The following ACAN variants were observed in gnomAD, a reference collection of about 807,000 sequenced individuals.
ACAN encodes aggrecan.
In ACAN, 47 loss-of-function variants were observed where a neutral mutation model predicts 169.1. The observed-to-expected ratio is 0.28, with a 90% CI of 0.22 to 0.35. ACAN has a LOEUF of 0.35. Ranked by LOEUF, ACAN falls within the 10% of genes least tolerant of loss-of-function variation. ACAN has a pLI of 1.00. For missense variants in ACAN, 2,716 were observed against 2,759.9 expected (o/e 0.98, Z 0.36); for synonymous variants, 1,115 against 1,112.2 (o/e 1.00, Z -0.05).
chr15:88,845,297 G>C (rs1342297079), intron 6 of ACAN, among the ~76,000 whole-genome samples: 1 of 152,182 alleles, frequency 6.6e-6, no homozygotes, highest in Admixed American at 6.5e-5. Flanking sequence ...TTGCACTCTT[G>C]CAATCTTGAA....
intron 1 of ACAN, among the ~76,000 whole-genome samples, chr15:88,825,777 CA>C (rs34437257): frequency 0.23 from 34,335 of 152,110 alleles, 4,816 homozygotes; most frequent in Non-Finnish European, 0.31. Flanking sequence ...TCCTAAACCC[CA>C]GCCTGCTCCT....
At chr15:88,864,020 G>A (rs889206147) in intron 13 of ACAN, among the ~76,000 whole-genome samples, 1 of 152,028 alleles carries the variant, frequency 6.6e-6, no homozygotes, top group Admixed American at 6.6e-5. Context: ...AAAAATATAT[G>A]TTTTTAATTA....
chr15:88,812,123 C>T (rs1033270087), intron 1 of ACAN, among the ~76,000 whole-genome samples: 2 of 152,160 alleles, frequency 1.3e-5, no homozygotes, highest in Non-Finnish European at 2.9e-5. Context: ...GCCTAGCCCT[C>T]GGGTTAGCGC....
Position 88,871,003 on chromosome 15 carries a change from C to T in ACAN, c.7061-379C>T, listed in dbSNP as rs1402032003. On this transcript the variant is annotated intron_variant, in intron 14 of 18. Coordinates refer to ENST00000560601, the MANE Select transcript of ACAN (RefSeq NM_001369268.1). The surrounding 1 kb of genome is among the most constrained non-coding windows in gnomAD (Gnocchi z 7.8). ...CACTCCCTCTCTCCCTGGAGCCCCCCAGAGCCACAGAACCATGTTTTGCCT... is the reference window on the plus strand; with the variant it reads ...CACTCCCTCTCTCCCTGGAGCCCCCTAGAGCCACAGAACCATGTTTTGCCT... 6.6e-6 allele frequency among the ~76,000 whole-genome samples: 1 copy of T among 152,220 alleles called. No individual in the cohort carries two copies. The highest frequency in any genetic ancestry group is 1.9e-4 in the East Asian group (1 of 5,204).
At chr15:88,821,782 A>G (rs1396211650) in intron 1 of ACAN, among the ~76,000 whole-genome samples, 2 of 152,282 alleles carry the variant, frequency 1.3e-5, no homozygotes, top group East Asian at 3.9e-4. Flanking sequence ...GACCTCATGG[A>G]TCAGGGTGGG....
intron 1 of ACAN, among the ~76,000 whole-genome samples, chr15:88,834,149 A>G (rs939557026): frequency 6.6e-6 from 1 of 152,132 alleles, no homozygotes; most frequent in East Asian, 1.9e-4. Context: ...AGGTAGAAAA[A>G]TCCCTAAGGA....
chr15:88,839,184 C>A lies in ACAN; in HGVS notation c.454+138C>A. 1 of 1,107,044 alleles carries A rather than the reference C, an allele frequency of 9.0e-7. No homozygotes were observed. The highest frequency in any genetic ancestry group is 1.3e-6 in the Non-Finnish European group (1 of 777,340). 68.6% of individuals were successfully genotyped at this position (1,107,044 alleles called of 1,614,324 possible). On this transcript the variant is annotated intron_variant, in intron 3 of 18. Transcript: ENST00000560601. This position sits in a 1 kb window ranked among gnomAD's most constrained non-coding sequence, Gnocchi z 4.5. ...CAGCCAAGTTACTTAACTTCAGCTG[C>A]TTCCTCTGTGACATGGAGCTGGTAA...
At chr15:88,837,281 C>T (rs1271353366) in intron 2 of ACAN, among the ~76,000 whole-genome samples, 1 of 152,194 alleles carries the variant, frequency 6.6e-6, no homozygotes, top group East Asian at 1.9e-4. Context: ...GGCGGCCCAG[C>T]TCCCCATGCT....
rs1897458587 is a variant in ACAN at position 88,874,307 on chromosome 15, G to T, written c.7631-98G>T. On this transcript the variant is annotated intron_variant, in intron 18 of 18. Coordinates refer to ENST00000560601, the MANE Select transcript of ACAN (RefSeq NM_001369268.1). The surrounding 1 kb of genome is among the most constrained non-coding windows in gnomAD (Gnocchi z 7.3). ...TAAAGCCTCAGGCGCCTGAGTCCTGGTTTCCACAAGGGAGAGAGGGTAGTC... is the reference window on the plus strand; with the variant it reads ...TAAAGCCTCAGGCGCCTGAGTCCTGTTTTCCACAAGGGAGAGAGGGTAGTC... 4.1e-5 allele frequency: 52 copies of T among 1,272,914 alleles called. 1 individual carries two copies. In the South Asian group the frequency reaches 6.5e-4, roughly 16 times the overall value. The allele number at this position is 1,272,914 out of a possible 1,614,324, so 78.9% of individuals were successfully genotyped here. A position where few individuals can be genotyped will look rare whatever the true frequency, so the allele number is the denominator to read the frequency against.
In ACAN at chr15:88,874,024, C is replaced by G; in HGVS notation, c.7630C>G (p.Pro2544Ala). The G allele has an allele frequency of 6.2e-7, 1 of 1,609,876 alleles. No individual in the cohort carries two copies. ...WEEPQITCTDPTTYKRRLQKR... is the reference protein window; with the variant it reads ...WEEPQITCTDATTYKRRLQKR... ...GGAGCCTCAGATCACCTGCACAGAC[C>G]GTGAGCATCACCCCGGCCATCTCGC... Residue 2544 changes from proline to alanine, a missense_variant and splice_region_variant, in exon 18 of 19, where the codon CCC becomes GCC. This residue lies in a region of ACAN where 1,389 missense variants were observed against 1,363.7 expected (regional missense o/e 1.02). Coordinates refer to ENST00000560601, the MANE Select transcript of ACAN (RefSeq NM_001369268.1). This position sits in a 1 kb window ranked among gnomAD's most constrained non-coding sequence, Gnocchi z 7.3.
rs546427777 is a variant in ACAN, at chr15:88,849,086, C to G, written c.1733-352C>G. 3.3e-5 allele frequency among the ~76,000 whole-genome samples: 5 copies of G among 152,190 alleles called. No individual in the cohort carries two copies. The highest frequency in any genetic ancestry group is 7.3e-5 in the Non-Finnish European group (5 of 68,044). ...TGGAGGGGGCCCAGGCGAGCTGCCT[C>G]GCTTAGCCAAGGGAGGGGGTGCCTA... On this transcript the variant is annotated intron_variant, in intron 9 of 18. Coordinates refer to ENST00000560601, the MANE Select transcript of ACAN (RefSeq NM_001369268.1). The surrounding 1 kb of genome is among the most constrained non-coding windows in gnomAD (Gnocchi z 5.1).
At chr15:88,805,918 C>A (rs143516788) in intron 1 of ACAN, among the ~76,000 whole-genome samples, 2,860 of 152,288 alleles carry the variant, frequency 0.019, 46 homozygotes, top group Non-Finnish European at 0.028. Context: ...CCCCTGCATG[C>A]CAAGGCAGAG....
chr15:88,819,335 G>A (rs997491723), intron 1 of ACAN, among the ~76,000 whole-genome samples: 2 of 152,160 alleles, frequency 1.3e-5, no homozygotes, highest in Non-Finnish European at 2.9e-5. Flanking sequence ...TTCTGGGGTT[G>A]GAGGCCTTAT....
intron 13 of ACAN, among the ~76,000 whole-genome samples, chr15:88,867,869 T>A (rs150446466): frequency 1.8e-4 from 28 of 152,272 alleles, no homozygotes; most frequent in African/African-American, 6.7e-4. Flanking sequence ...CTCAAAATAT[T>A]CACAAGAGAA....
chr15:88,830,029 G>C (rs2141540644), intron 1 of ACAN, among the ~76,000 whole-genome samples: 1 of 152,302 alleles, frequency 6.6e-6, no homozygotes, highest in Admixed American at 6.5e-5. Flanking sequence ...TGAGGTTTCA[G>C]GGAGGAGGCC....
chr15:88,841,635 A>G (rs982239716), intron 4 of ACAN, 105 bp from the exon 5 acceptor site: 1 of 1,415,388 alleles, frequency 7.1e-7, no homozygotes, highest in African/African-American at 1.4e-5. Context: ...GTCAAATGCA[A>G]TATTAAGTTG....
chr15:88,847,845 C>T, intron 8 of ACAN, 66 bp from the exon 9 acceptor site: 4 of 1,579,852 alleles, frequency 2.5e-6, no homozygotes, highest in Non-Finnish European at 3.4e-6. Flanking sequence ...TGGCCTCAGC[C>T]CAGGGCCGTG....
chr15:88,824,895 A>G (rs1270928362), intron 1 of ACAN, among the ~76,000 whole-genome samples: 1 of 152,088 alleles, frequency 6.6e-6, no homozygotes, highest in Admixed American at 6.6e-5. Context: ...CTGTCAAAAA[A>G]AAAAAAGCTA....
chr15:88,828,717 A>G (rs1896287253), intron 1 of ACAN, among the ~76,000 whole-genome samples: 1 of 152,004 alleles, frequency 6.6e-6, no homozygotes. Context: ...AAAAGGTGGA[A>G]CTCTTCTCTG....
Sources: allele counts gnomAD v4.1 joint callset (sites outside exome capture counted in the v4.1 genomes callset), GRCh38; gene constraint gnomAD v4.1.1; regional missense constraint gnomAD v4.1.1; non-coding constraint Gnocchi (gnomAD v3.1); transcripts MANE v1.5; gene names NCBI Gene and HGNC (gene_info 2026-07-23, HGNC 2026-07-21).